The following TET2 variants were observed in gnomAD, a reference collection of about 807,000 sequenced individuals.
TET2 encodes the protein tet methylcytosine dioxygenase 2, also known as methylcytosine dioxygenase TET2.
Under a neutral mutation model 142.9 loss-of-function variants are expected in TET2, and 299 were observed. The ratio of observed to expected loss-of-function variants is 2.09; its 90% CI spans 1.90 to 2.30. The LOEUF is 2.30. Among genes scored for constraint, TET2 ranks in the 30% most tolerant of loss-of-function variants. TET2 has a pLI of 0.00. For synonymous variants in TET2, 819 were observed against 849.0 expected, an observed-to-expected ratio of 0.96 and a Z score of 0.61; for missense variants, 2,418 against 2,378.0, an observed-to-expected ratio of 1.02 and a Z score of -0.35.
At chr4:105,198,105 G>A (rs1369193187) in intron 2 of TET2, among the ~76,000 whole-genome samples, 2 of 152,192 alleles carry the variant, frequency 1.3e-5, no homozygotes, top group African/African-American at 4.8e-5. Context: ...GGGAGGCCGA[G>A]GCGGGTGGAT....
At chr4:105,259,382 G>A (rs902140600) in intron 6 of TET2, among the ~76,000 whole-genome samples, 24 of 152,056 alleles carry the variant, frequency 1.6e-4, no homozygotes, top group African/African-American at 5.6e-4. Context: ...ACTTAACTGG[G>A]TATTTTCCAT....
chr4:105,238,232 G>T (rs182034404), intron 3 of TET2: 1 of 236,614 alleles, frequency 4.2e-6, no homozygotes. Flanking sequence ...GTGGAGGGTC[G>T]TGCTTCAGTA....
chr4:105,159,102 A>C (rs904978398), intron 1 of TET2, among the ~76,000 whole-genome samples: 2 of 152,042 alleles, frequency 1.3e-5, no homozygotes, highest in African/African-American at 4.8e-5. Flanking sequence ...AGTTTAATTC[A>C]TTGTCCGGGA....
intron 1 of TET2, among the ~76,000 whole-genome samples, chr4:105,153,399 A>G (rs926739798): frequency 8.5e-5 from 13 of 152,224 alleles, no homozygotes; most frequent in African/African-American, 3.1e-4. Context: ...AGTTTAGCAC[A>G]AAAGTTTAGC....
chr4:105,257,809 T>TCAA (rs1178155420), intron 6 of TET2, among the ~76,000 whole-genome samples: 1 of 152,200 alleles, frequency 6.6e-6, no homozygotes, highest in Non-Finnish European at 1.5e-5. Context: ...GTGACAATAT[T>TCAA]CAACAGCTGC....
At chr4:105,211,346 C>T (rs1727148496) in intron 2 of TET2, among the ~76,000 whole-genome samples, 1 of 152,142 alleles carries the variant, frequency 6.6e-6, no homozygotes, top group African/African-American at 2.4e-5. Flanking sequence ...ACTTGTTTGT[C>T]TAGATAAACT....
chr4:105,276,259 T>C lies in TET2; in HGVS notation c.5749T>C (p.Trp1917Arg). ...MNEPKHGLALWEAKMAEKARE... is the reference protein window; with the variant it reads ...MNEPKHGLALREAKMAEKARE... ...TGAGCCAAAACATGGCTTGGCTCTT[T>C]GGGAAGCCAAAATGGCTGAAAAAGC... The change falls in exon 11 of 11, where the codon TGG (tryptophan) becomes CGG (arginine). Residue 1917 changes from tryptophan (W) to arginine (R), a missense_variant. Physicochemically the swap from Trp to Arg is moderately radical, Grantham distance 101. Coordinates refer to ENST00000380013, the MANE Select transcript of TET2 (RefSeq NM_001127208.3). The C allele has an allele frequency of 6.4e-7, 1 of 1,551,622 alleles. No individual in the cohort carries two copies. Among genetic ancestry groups the C allele is most frequent in the East Asian group, 2.4e-5 (1 of 40,926 alleles).
chr4:105,257,222 C>T (rs1190059260), intron 6 of TET2, among the ~76,000 whole-genome samples: 1 of 152,044 alleles, frequency 6.6e-6, no homozygotes, highest in African/African-American at 2.4e-5. Context: ...TCACTTAAGC[C>T]CAGGAGTTCA....
At chr4:105,216,224 T>C (rs1727483462) in intron 2 of TET2, among the ~76,000 whole-genome samples, 1 of 152,136 alleles carries the variant, frequency 6.6e-6, no homozygotes, top group Non-Finnish European at 1.5e-5. Flanking sequence ...AAAGCCACGC[T>C]GACTAAAACA....
intron 4 of TET2, 61 bp from the exon 5 acceptor site, chr4:105,242,773 G>T: frequency 6.6e-7 from 1 of 1,525,470 alleles, no homozygotes; most frequent in South Asian, 1.3e-5. Context: ...CAAATATTTT[G>T]ATTGCCTCTT....
At chr4:105,190,180 A>G (rs985366013) in intron 1 of TET2, among the ~76,000 whole-genome samples, 180 bp from the exon 2 acceptor site, 1 of 152,214 alleles carries the variant, frequency 6.6e-6, no homozygotes, top group Non-Finnish European at 1.5e-5. Flanking sequence ...TAGAATTGTT[A>G]TTATGGTACA....
In TET2 at chr4:105,276,512, A is replaced by G; in HGVS notation, c.6002A>G (p.Tyr2001Cys). The G allele has an allele frequency of 6.5e-7, 1 of 1,548,476 alleles. No homozygotes were observed. Among genetic ancestry groups the G allele is most frequent in the Non-Finnish European group, 8.7e-7 (1 of 1,144,846 alleles). ...FTRVTGPYNRYI is the reference protein window; with the variant it reads ...FTRVTGPYNRCI ...CGGGTCACAGGGCCTTACAACAGAT[A>G]TATATGATATCACCCCCTTTTGTTG... The change falls in exon 11 of 11, where the codon TAT becomes TGT. Residue 2001 changes from tyrosine (Y) to cysteine (C), a missense_variant. Tyr to Cys is a radical substitution (Grantham distance 194). Transcript: ENST00000380013.
At chr4:105,217,637 C>T (rs1229046630) in intron 2 of TET2, among the ~76,000 whole-genome samples, 3 of 152,094 alleles carry the variant, frequency 2.0e-5, no homozygotes, top group Middle Eastern at 3.4e-3. Flanking sequence ...TGAGGCCATG[C>T]ATTAAAGAAA....
intron 7 of TET2, among the ~76,000 whole-genome samples, chr4:105,260,503 G>T (rs1178273745): frequency 6.6e-6 from 1 of 151,620 alleles, no homozygotes; most frequent in African/African-American, 2.4e-5. Context: ...GACTGTCTCC[G>T]TACTAATTGA....
chr4:105,272,965 A>G (rs1438109304), intron 10 of TET2, 47 bp downstream of exon 10: 2 of 1,422,892 alleles, frequency 1.4e-6, no homozygotes, highest in Non-Finnish European at 1.9e-6. Context: ...TGTGTGGTAT[A>G]TTAAAAATGA....
intron 2 of TET2, among the ~76,000 whole-genome samples, chr4:105,233,492 A>C (rs1259288558): frequency 6.6e-6 from 1 of 152,088 alleles, no homozygotes; most frequent in African/African-American, 2.4e-5. Context: ...AATATATAGG[A>C]AGTACAGTTG....
At chr4:105,239,144 A>T (rs1729143496) in intron 3 of TET2, 3 of 241,862 alleles carry the variant, frequency 1.2e-5, no homozygotes. Flanking sequence ...CTATGTTGTA[A>T]AAAGATGTGT....
intron 1 of TET2, among the ~76,000 whole-genome samples, chr4:105,150,108 T>C (rs757744483): frequency 6.6e-6 from 1 of 152,234 alleles, no homozygotes; most frequent in Non-Finnish European, 1.5e-5. Context: ...AAGCCCTTCT[T>C]ATGATTCATA....
upstream of TET2, chr4:105,146,351 C>A (rs1049742592): frequency 1.3e-5 from 2 of 152,706 alleles, no homozygotes; most frequent in African/African-American, 4.8e-5. Context: ...TGCTTCTTCT[C>A]CCAGGGGTGG....
Sources: allele counts gnomAD v4.1 joint callset (sites outside exome capture counted in the v4.1 genomes callset), GRCh38; gene constraint gnomAD v4.1.1; transcripts MANE v1.5; gene names NCBI Gene and HGNC (gene_info 2026-07-23, HGNC 2026-07-21).